Variants in USP25 observed in about 807,000 individuals in gnomAD.
USP25 encodes ubiquitin specific peptidase 25, also known as ubiquitin carboxyl-terminal hydrolase 25.
A neutral mutation model predicts 158.5 loss-of-function variants in USP25; 85 were observed. The ratio of observed to expected loss-of-function variants is 0.54; its 90% CI spans 0.45 to 0.64. The LOEUF is 0.64. USP25 is among the 30% of genes least tolerant of loss of function. USP25 has a pLI of 0.00. For missense variants in USP25, 1,242 were observed against 1,327.3 expected, an observed-to-expected ratio of 0.94 and a Z score of 1.00; for synonymous variants, 464 against 460.4, an observed-to-expected ratio of 1.01 and a Z score of -0.10.
chr21:15,818,872 C>A (rs1370359092), intron 10 of USP25, 26 bp downstream of exon 10: 1 of 1,610,744 alleles, frequency 6.2e-7, no homozygotes, highest in Non-Finnish European at 8.5e-7. Flanking sequence ...TCATTGTCCC[C>A]TTTCTTCCCT....
intron 1 of USP25, 134 bp downstream of exon 1, chr21:15,730,572 C>T (rs1601213415): frequency 9.2e-7 from 1 of 1,087,882 alleles, no homozygotes; most frequent in Non-Finnish European, 1.2e-6. Flanking sequence ...CGGCCCCTGC[C>T]CATCGCCTCG....
At chr21:15,750,735 T>G (rs1344534978) in intron 1 of USP25, among the ~76,000 whole-genome samples, 1 of 151,968 alleles carries the variant, frequency 6.6e-6, no homozygotes, top group African/African-American at 2.4e-5. Context: ...GCCTCCCCAG[T>G]AGCTGGGACT....
intron 22 of USP25, among the ~76,000 whole-genome samples, chr21:15,868,083 C>G (rs1206601281): frequency 6.6e-6 from 1 of 152,110 alleles, no homozygotes; most frequent in East Asian, 1.9e-4. Context: ...AGTATAAAGA[C>G]TTTTTAATAA....
intron 4 of USP25, among the ~76,000 whole-genome samples, chr21:15,783,445 A>G (rs924361262): frequency 6.6e-6 from 1 of 152,130 alleles, no homozygotes; most frequent in African/African-American, 2.4e-5. Context: ...GCCCCTCAAA[A>G]TCCTCTCAAA....
Position 15,788,168 on chromosome 21 carries a change from CT to C in USP25, c.393-3324del, listed in dbSNP as rs922061898. Among the ~76,000 whole-genome samples the C allele has an allele frequency of 2.4e-3, 353 of 147,898 alleles. 2 individuals are homozygous for C. Among genetic ancestry groups the C allele is most frequent in the African/African-American group, 6.2e-3 (251 of 40,458 alleles). ...GTTATAGGCTATCTCTGAAATTTGC[CT>C]TTTTTTTTTCTCCTCTACCAGCTGG... On this transcript the variant is annotated intron_variant, in intron 4 of 25. Transcript: ENST00000400183.
At chr21:15,868,370 C>T (rs2039745021) in intron 22 of USP25, among the ~76,000 whole-genome samples, 1 of 152,128 alleles carries the variant, frequency 6.6e-6, no homozygotes, top group Non-Finnish European at 1.5e-5. Flanking sequence ...CTGTGCCCTC[C>T]ACATTGATTG....
At chr21:15,863,549 T>G (rs2039522793) in intron 20 of USP25, among the ~76,000 whole-genome samples, 1 of 152,142 alleles carries the variant, frequency 6.6e-6, no homozygotes, top group African/African-American at 2.4e-5. Flanking sequence ...CTCTAGAATT[T>G]TAGTGTTCAA....
intron 5 of USP25, among the ~76,000 whole-genome samples, chr21:15,795,294 A>C (rs1445465148): frequency 1.3e-5 from 2 of 151,644 alleles, no homozygotes; most frequent in Admixed American, 1.3e-4. Flanking sequence ...ACAGTGATTC[A>C]CTAGGTCCTC....
At chr21:15,774,288 T>C (rs2034517857) in intron 3 of USP25, among the ~76,000 whole-genome samples, 1 of 152,214 alleles carries the variant, frequency 6.6e-6, no homozygotes. Flanking sequence ...AAGATTTCTT[T>C]TTAAATGCTT....
intron 20 of USP25, among the ~76,000 whole-genome samples, chr21:15,857,798 C>T (rs2039228500): frequency 6.6e-6 from 1 of 151,832 alleles, no homozygotes; most frequent in African/African-American, 2.4e-5. Flanking sequence ...AATTTTAATT[C>T]TGCTGCTTTC....
intron 1 of USP25, among the ~76,000 whole-genome samples, chr21:15,759,892 C>T (rs780306475): frequency 5.9e-5 from 9 of 152,258 alleles, no homozygotes; most frequent in Middle Eastern, 3.4e-3. Flanking sequence ...TTTCTCAATT[C>T]GGCTCTGTAA....
intron 20 of USP25, 113 bp downstream of exon 20, chr21:15,849,985 C>T (rs1173885764): frequency 1.3e-6 from 1 of 768,812 alleles, no homozygotes; most frequent in Non-Finnish European, 2.0e-6. Flanking sequence ...CTTTTCCTAT[C>T]TTAGTTATGG....
At position 15,816,351 on chromosome 21, in the gene USP25, C is replaced by G. The variant is rs75868380; in HGVS notation, c.932-2347C>G. ...TTTTTCTTCCCAGTTTGGGATGTGT[C>G]TTTATCAGCAGCGTGATAATGGACT... On this transcript the variant is annotated intron_variant, in intron 9 of 25. Transcript: ENST00000400183. The surrounding 1 kb of genome is among the most constrained non-coding windows in gnomAD (Gnocchi z 4.0). 0.015 allele frequency among the ~76,000 whole-genome samples: 2,242 copies of G among 152,282 alleles called. 24 individuals carry two copies. Among genetic ancestry groups the G allele is most frequent in the Non-Finnish European group, 0.02 (1,374 of 68,012 alleles).
chr21:15,877,737 T>A lies in USP25; in HGVS notation c.3010-59T>A, dbSNP rs181567603. 137 of 1,212,264 alleles carry A rather than the reference T, an allele frequency of 1.1e-4. No individual in the cohort carries two copies. In the African/African-American group the frequency reaches 2.0e-3, roughly 17 times the overall value. 75.1% of individuals were successfully genotyped at this position (1,212,264 alleles called of 1,614,324 possible). A position where few individuals can be genotyped will look rare whatever the true frequency, so the allele number is the denominator to read the frequency against. On this transcript the variant is annotated intron_variant, in intron 24 of 25. Coordinates refer to ENST00000400183, the MANE Select transcript of USP25 (RefSeq NM_001283041.3). ...TGTCTTCCTTATTAATACTTACAGA[T>A]CCTTAATTTAAAAAGGAAACAAAAA... is the stretch of plus-strand genomic sequence containing the variant.
At chr21:15,849,718 G>A in intron 19 of USP25, 59 bp from the exon 20 acceptor site, 1 of 1,291,716 alleles carries the variant, frequency 7.7e-7, no homozygotes, top group Non-Finnish European at 1.1e-6. Flanking sequence ...CAGCTTGCAT[G>A]TGAATAAATT....
chr21:15,781,012 A>T (rs2034930539), intron 4 of USP25, among the ~76,000 whole-genome samples: 2 of 152,238 alleles, frequency 1.3e-5, no homozygotes, highest in Admixed American at 6.5e-5. Flanking sequence ...AAAGTAAGAA[A>T]TATGACACAG....
Position 15,826,489 on chromosome 21 carries a change from T to C in USP25, c.1466+124T>C. On this transcript the variant is annotated intron_variant, in intron 13 of 25. Coordinates refer to ENST00000400183, the MANE Select transcript of USP25 (RefSeq NM_001283041.3). This position sits in a 1 kb window ranked among gnomAD's most constrained non-coding sequence, Gnocchi z 4.8. The stretch of plus-strand genomic sequence containing the variant: ...ATTTACTTCAGTGAACTCCTAAGAG[T>C]AGATTCACTTAGAAGACTGTATGTC... The C allele has an allele frequency of 2.8e-6, 3 of 1,082,820 alleles. No individual in the cohort carries two copies. Among genetic ancestry groups the C allele is most frequent in the Non-Finnish European group, 4.0e-6 (3 of 754,264 alleles). The allele number at this position is 1,082,820 out of a possible 1,614,324, so 67.1% of individuals were successfully genotyped here. A position where few individuals can be genotyped will look rare whatever the true frequency, so the allele number is the denominator to read the frequency against.
intron 10 of USP25, among the ~76,000 whole-genome samples, chr21:15,823,222 T>A (rs959177101): frequency 2.6e-5 from 4 of 152,128 alleles, no homozygotes; most frequent in Non-Finnish European, 5.9e-5. Context: ...TTTGTTGATT[T>A]ACATACAATC....
At chr21:15,781,843 GA>G (rs930823973) in intron 4 of USP25, among the ~76,000 whole-genome samples, 7 of 152,262 alleles carry the variant, frequency 4.6e-5, no homozygotes, top group African/African-American at 1.7e-4. Context: ...AACAGTTGCT[GA>G]AAGTGCATGT....
Sources: gnomAD v4.1 joint callset for allele counts (sites outside exome capture counted in the v4.1 genomes callset) on GRCh38, gnomAD v4.1.1 for gene constraint, Gnocchi (gnomAD v3.1) non-coding constraint, MANE v1.5 for transcripts, NCBI Gene and HGNC (gene_info 2026-07-23, HGNC 2026-07-21) for gene names.